Variants in HIVEP1 observed in about 807,000 individuals in gnomAD.
HIVEP1 encodes HIVEP zinc finger 1.
In HIVEP1, 36 loss-of-function variants were observed where a neutral mutation model predicts 180.0. The observed-to-expected ratio is 0.20, with a 90% CI of 0.15 to 0.26. HIVEP1 has a LOEUF of 0.26. HIVEP1 is among the 10% of genes least tolerant of loss of function. HIVEP1 has a pLI of 1.00. For synonymous variants in HIVEP1, 1,239 were observed against 1,239.0 expected, an observed-to-expected ratio of 1.00 and a Z score of 0.00; for missense variants, 3,143 against 3,268.7, an observed-to-expected ratio of 0.96 and a Z score of 0.94.
intron 7 of HIVEP1, among the ~76,000 whole-genome samples, chr6:12,154,905 G>T (rs1759932244): frequency 6.6e-6 from 1 of 152,002 alleles, no homozygotes; most frequent in Non-Finnish European, 1.5e-5. Context: ...CTTGGCTAGT[G>T]TTACCAGAGA....
the HIVEP1 span, among the ~76,000 whole-genome samples, chr6:12,197,594 G>A: frequency 3.3e-5 from 5 of 150,904 alleles, no homozygotes; most frequent in South Asian, 2.1e-4. Context: ...AAAGAAAACC[G>A]TAGAGCAGAA....
At chr6:12,168,094 C>CATAT (rs1562024449), downstream of HIVEP1, among the ~76,000 whole-genome samples, 2 of 44,524 alleles carry the variant, frequency 4.5e-5, no homozygotes, top group Non-Finnish European at 7.5e-5. Context: ...CATATATACA[C>CATAT]ATACACGTAT....
At chr6:12,182,950 A>G in the HIVEP1 span, among the ~76,000 whole-genome samples, 1 of 152,218 alleles carries the variant, frequency 6.6e-6, no homozygotes, top group African/African-American at 2.4e-5. Flanking sequence ...AAGGATGCAC[A>G]TCTCAGCACT....
At position 12,125,855 on chromosome 6, in the gene HIVEP1, AAGC is replaced by A; in HGVS notation, c.6064_6066del (p.Ser2022del). 1 of 1,592,238 alleles carries A rather than the reference AAGC, an allele frequency of 6.3e-7. No individual in the cohort carries two copies. The highest frequency in any genetic ancestry group is 2.2e-5 in the East Asian group (1 of 44,718). On this transcript the variant is annotated inframe_deletion, in exon 4 of 9. Coordinates refer to ENST00000379388, the MANE Select transcript of HIVEP1 (RefSeq NM_002114.4). ...TATTGGTCTATTCAAGCAAGTGGAA[AAGC>A]AGCTTAAGCAAGGTACTTGAAATAT... is the stretch of plus-strand genomic sequence containing the variant.
chr6:12,016,622 T>G (rs1175640447), intron 2 of HIVEP1, among the ~76,000 whole-genome samples: 1 of 152,232 alleles, frequency 6.6e-6, no homozygotes, highest in Non-Finnish European at 1.5e-5. Flanking sequence ...GAAATAGTGC[T>G]TGTTTCCTGT....
intron 2 of HIVEP1, among the ~76,000 whole-genome samples, chr6:12,065,612 C>T (rs1393184088): frequency 6.6e-6 from 1 of 151,950 alleles, no homozygotes; most frequent in Non-Finnish European, 1.5e-5. Flanking sequence ...CTTCTGTGTG[C>T]CACTGTTTGC....
At chr6:12,180,191 G>C in the HIVEP1 span, among the ~76,000 whole-genome samples, 1 of 152,140 alleles carries the variant, frequency 6.6e-6, no homozygotes, top group African/African-American at 2.4e-5. Flanking sequence ...GCTGAGAATG[G>C]ATAAATATTT....
chr6:12,172,941 A>G, the HIVEP1 span, among the ~76,000 whole-genome samples: 2 of 152,186 alleles, frequency 1.3e-5, no homozygotes, highest in African/African-American at 4.8e-5. Context: ...GTCCAGTGCC[A>G]TGCATATTTG....
At chr6:12,174,115 A>G in the HIVEP1 span, among the ~76,000 whole-genome samples, 1 of 152,182 alleles carries the variant, frequency 6.6e-6, no homozygotes, top group African/African-American at 2.4e-5. Context: ...CATGCAGTCT[A>G]CTTATTATTC....
chr6:12,185,430 T>G, the HIVEP1 span, among the ~76,000 whole-genome samples: 1 of 152,224 alleles, frequency 6.6e-6, no homozygotes, highest in African/African-American at 2.4e-5. Context: ...CCATGATTTC[T>G]GGCAGAGAAG....
At position 12,124,054 on chromosome 6, in the gene HIVEP1, C is replaced by T. The variant is rs200140570; in HGVS notation, c.4259C>T (p.Pro1420Leu). Residue 1420 changes from proline (P) to leucine (L), a missense_variant, in exon 4 of 9, where the codon CCT becomes CTT. By Grantham distance (98) the Pro-to-Leu change is moderately conservative. Coordinates refer to ENST00000379388, the MANE Select transcript of HIVEP1 (RefSeq NM_002114.4). ...PSRVGVTGHV[P>L]LLERRRGPLV... ...CGAGTGGGAGTGACTGGGCATGTGC[C>T]TCTCTTAGAAAGAAGGAGAGGCCCA... 1.3e-5 allele frequency: 21 copies of T among 1,613,992 alleles called. No homozygotes were observed. Among genetic ancestry groups the T allele is most frequent in the Non-Finnish European group, 1.7e-5 (20 of 1,179,998 alleles).
the HIVEP1 span, among the ~76,000 whole-genome samples, chr6:12,205,070 T>C: frequency 6.6e-6 from 1 of 152,056 alleles, no homozygotes; most frequent in African/African-American, 2.4e-5. Context: ...GGGGAAGTGA[T>C]CAGAGATGAG....
At chr6:12,010,615 T>G (rs1233934865), upstream of HIVEP1, among the ~76,000 whole-genome samples, 1 of 152,220 alleles carries the variant, frequency 6.6e-6, no homozygotes, top group Non-Finnish European at 1.5e-5. Flanking sequence ...GGATTTTTTT[T>G]TTTTTGCATC....
intron 6 of HIVEP1, among the ~76,000 whole-genome samples, chr6:12,132,550 T>C (rs1446698832): frequency 6.6e-6 from 1 of 152,170 alleles, no homozygotes; most frequent in Non-Finnish European, 1.5e-5. Flanking sequence ...AAAAATATGA[T>C]GAGTCACAAA....
chr6:12,202,272 T>C, the HIVEP1 span, among the ~76,000 whole-genome samples: 2 of 151,868 alleles, frequency 1.3e-5, no homozygotes. Flanking sequence ...CCTCCTACCT[T>C]AGCCTCCCAA....
intron 7 of HIVEP1, among the ~76,000 whole-genome samples, chr6:12,147,842 T>C (rs1051955750): frequency 6.6e-6 from 1 of 152,212 alleles, no homozygotes; most frequent in African/African-American, 2.4e-5. Flanking sequence ...GAAATAGCGC[T>C]ATCAATTTAT....
rs562855964 is a variant in HIVEP1 at position 12,095,707 on chromosome 6, A to G, written c.94+6470A>G. Reference sequence around the variant, plus strand: ...TAGAAATTGAGCATTTTATAAGTAAATTAATCATTTTGCCATGATGAAAAA... The same window carrying G: ...TAGAAATTGAGCATTTTATAAGTAAGTTAATCATTTTGCCATGATGAAAAA... On this transcript the variant is annotated intron_variant, in intron 3 of 8. Transcript: ENST00000379388. 1.2e-3 allele frequency among the ~76,000 whole-genome samples: 181 copies of G among 151,986 alleles called. 1 individual carries two copies. The highest frequency in any genetic ancestry group is 5.2e-4 in the Non-Finnish European group (35 of 67,874).
At chr6:12,162,222 TAAA>T (rs67198436) in intron 8 of HIVEP1, among the ~76,000 whole-genome samples, 40 of 146,046 alleles carry the variant, frequency 2.7e-4, no homozygotes, top group Admixed American at 2.7e-4. Flanking sequence ...TTTTTGAAAT[TAAA>T]AAAAAAAAAA....
intron 3 of HIVEP1, among the ~76,000 whole-genome samples, chr6:12,101,894 T>C (rs747785964): frequency 1.4e-5 from 2 of 145,112 alleles, no homozygotes; most frequent in Non-Finnish European, 3.0e-5. Flanking sequence ...ATATTGAAAG[T>C]GAAAGGATAG....
Sources: allele counts gnomAD v4.1 joint callset (sites outside exome capture counted in the v4.1 genomes callset), GRCh38; gene constraint gnomAD v4.1.1; transcripts MANE v1.5; gene names NCBI Gene and HGNC (gene_info 2026-07-23, HGNC 2026-07-21).